The following ARID1B variants were observed in gnomAD, a reference collection of about 807,000 sequenced individuals.
ARID1B encodes the protein AT-rich interactive domain-containing protein 1B.
Under a neutral mutation model 212.3 loss-of-function variants are expected in ARID1B, and 30 were observed. The observed-to-expected ratio is 0.14, with a 90% confidence interval of 0.11 to 0.19. The LOEUF (loss-of-function observed/expected upper bound fraction) is 0.19. ARID1B is among the 10% of genes least tolerant of loss of function. The pLI is 1.00. For missense variants in ARID1B, 2,891 were observed against 3,204.0 expected, an observed-to-expected ratio of 0.90 and a Z score of 2.36; for synonymous variants, 1,402 against 1,301.7, an observed-to-expected ratio of 1.08 and a Z score of -1.66.
intron 1 of ARID1B, among the ~76,000 whole-genome samples, chr6:156,787,774 G>A (rs1271213393): frequency 6.6e-6 from 1 of 152,098 alleles, no homozygotes; most frequent in East Asian, 1.9e-4. Context: ...GTGATTCTGA[G>A]GATTTGTGAG....
chr6:156,808,629 A>G (rs766259469), intron 1 of ARID1B, among the ~76,000 whole-genome samples: 8 of 152,214 alleles, frequency 5.3e-5, no homozygotes, highest in Non-Finnish European at 7.3e-5. Flanking sequence ...AATTGAATAT[A>G]TATAAGTGTA....
intron 3 of ARID1B, among the ~76,000 whole-genome samples, chr6:156,919,955 A>G (rs148365608): frequency 1.1e-3 from 160 of 152,370 alleles, no homozygotes; most frequent in African/African-American, 3.8e-3. Flanking sequence ...TAACACTGCT[A>G]TAACTAACTG....
intron 2 of ARID1B, among the ~76,000 whole-genome samples, chr6:156,846,089 T>A (rs1227566029): frequency 2.0e-5 from 3 of 152,172 alleles, no homozygotes; most frequent in African/African-American, 4.8e-5. Context: ...TCTGCAGTGT[T>A]CCTGGTCCAT....
chr6:156,878,441 A>G (rs1786757812), intron 2 of ARID1B, among the ~76,000 whole-genome samples: 1 of 152,184 alleles, frequency 6.6e-6, no homozygotes, highest in African/African-American at 2.4e-5. Flanking sequence ...ATATCGCCCC[A>G]CTGGCATCCT....
chr6:157,061,446 C>G (rs971913050), intron 4 of ARID1B, among the ~76,000 whole-genome samples: 3 of 152,014 alleles, frequency 2.0e-5, no homozygotes, highest in African/African-American at 7.3e-5. Context: ...GAGAATGGAA[C>G]AGAAGAACCA....
chr6:156,977,207 C>T (rs1777305716), intron 4 of ARID1B: 1 of 178,778 alleles, frequency 5.6e-6, no homozygotes, highest in Non-Finnish European at 1.1e-5. Context: ...ACTTTCATAT[C>T]TGTAGATTTA....
At chr6:157,142,067 A>G (rs1470811242) in intron 7 of ARID1B, among the ~76,000 whole-genome samples, 11 of 152,210 alleles carry the variant, frequency 7.2e-5, no homozygotes, top group Admixed American at 7.2e-4. Context: ...GATGCATGCA[A>G]CGGTGTGGAT....
rs1781163310 is a variant in ARID1B at position 156,806,459 on chromosome 6, TTA to T, written c.1792-22767_1792-22766del. On this transcript the variant is annotated intron_variant, in intron 1 of 19. Coordinates refer to ENST00000636930, the MANE Select transcript of ARID1B (RefSeq NM_001374828.1). ...TTCACAAAAATACATTTCACAGACTTTACTGTATCATATTTTCAACCAGAGTT... is the reference window on the plus strand; with the variant it reads ...TTCACAAAAATACATTTCACAGACTTCTGTATCATATTTTCAACCAGAGTT... Among the ~76,000 whole-genome samples the T allele has an allele frequency of 2.0e-5, 3 of 152,196 alleles. No individual in the cohort carries two copies. The South Asian group carries it at 6.2e-4, about 32-fold the overall frequency.
At chr6:156,856,700 T>TCTCTCACACA (rs1168465535) in intron 2 of ARID1B, among the ~76,000 whole-genome samples, 27 of 114,734 alleles carry the variant, frequency 2.4e-4, no homozygotes, top group African/African-American at 8.9e-4. Context: ...TCTCTCTCTC[T>TCTCTCACACA]CACACACACA....
At chr6:157,093,883 A>G (rs1407049385) in intron 5 of ARID1B, among the ~76,000 whole-genome samples, 1 of 152,252 alleles carries the variant, frequency 6.6e-6, no homozygotes, top group African/African-American at 2.4e-5. Flanking sequence ...AATTCAGCAA[A>G]GCACTGAGTG....
intron 5 of ARID1B, among the ~76,000 whole-genome samples, chr6:157,092,696 C>CTCCT (rs1481375042): frequency 2.6e-5 from 4 of 152,096 alleles, no homozygotes; most frequent in African/African-American, 4.8e-5. Flanking sequence ...CTTGGTTTTG[C>CTCCT]TCCTCTCTTA....
chr6:157,072,526 G>C (rs1784057429), intron 4 of ARID1B: 1 of 152,054 alleles, frequency 6.6e-6, no homozygotes, highest in African/African-American at 2.4e-5. Context: ...GTTGTTACTT[G>C]ATTTTCGTTC....
intron 4 of ARID1B, among the ~76,000 whole-genome samples, chr6:157,062,306 C>T (rs984049873): frequency 1.1e-4 from 16 of 151,952 alleles, no homozygotes; most frequent in African/African-American, 3.4e-4. Flanking sequence ...AAGCAGTCTT[C>T]CAGCCTCAGC....
intron 4 of ARID1B, among the ~76,000 whole-genome samples, chr6:157,067,988 T>A (rs974514256): frequency 6.6e-6 from 1 of 152,236 alleles, no homozygotes; most frequent in Non-Finnish European, 1.5e-5. Flanking sequence ...CCTAACTTTA[T>A]AAAATAAACT....
intron 1 of ARID1B, among the ~76,000 whole-genome samples, chr6:156,780,890 A>G (rs1435478492): frequency 2.0e-5 from 3 of 152,252 alleles, no homozygotes; most frequent in Admixed American, 6.5e-5. Context: ...AATTTTACCA[A>G]TTTTTGGATT....
intron 4 of ARID1B, among the ~76,000 whole-genome samples, chr6:157,050,311 C>T (rs908909338): frequency 2.0e-5 from 3 of 152,046 alleles, no homozygotes; most frequent in South Asian, 2.1e-4. Context: ...TTTGGGAGGC[C>T]GAGGCGGGTG....
intron 2 of ARID1B, among the ~76,000 whole-genome samples, chr6:156,879,242 C>T (rs183787279): frequency 6.6e-6 from 1 of 152,230 alleles, no homozygotes; most frequent in Non-Finnish European, 1.5e-5. Context: ...CTTGTTCTGT[C>T]TACTTGTGTT....
chr6:157,143,518 C>T (rs1389238932), intron 7 of ARID1B, among the ~76,000 whole-genome samples: 1 of 151,996 alleles, frequency 6.6e-6, no homozygotes, highest in East Asian at 1.9e-4. Flanking sequence ...GTTGTTATGG[C>T]CATTGATGAC....
chr6:157,129,742 G>T (rs1003638995), intron 6 of ARID1B, among the ~76,000 whole-genome samples: 1 of 152,138 alleles, frequency 6.6e-6, no homozygotes, highest in East Asian at 1.9e-4. Context: ...AGTTCAAGTG[G>T]AACACTACAT....
Sources: gnomAD v4.1 joint callset for allele counts (sites outside exome capture counted in the v4.1 genomes callset) on GRCh38, gnomAD v4.1.1 for gene constraint, MANE v1.5 for transcripts, NCBI Gene and HGNC (gene_info 2026-07-23, HGNC 2026-07-21) for gene names.